Variants in FRMPD2 observed in about 807,000 individuals in gnomAD.
FRMPD2 encodes the protein FERM and PDZ domain containing 2, also known as FERM and PDZ domain-containing protein 2.
A neutral mutation model predicts 140.1 loss-of-function variants in FRMPD2; 96 were observed. That is an observed-to-expected ratio of 0.69 (90% CI 0.58 to 0.81). The LOEUF (loss-of-function observed/expected upper bound fraction) is 0.81, where lower values mean the gene tolerates loss of function less well. Among genes scored for constraint, FRMPD2 ranks in the 40% least tolerant of loss-of-function variants. The pLI is 0.00. For synonymous variants in FRMPD2, 449 were observed against 547.6 expected (o/e 0.82, Z 2.52); for missense variants, 1,240 against 1,447.4 (o/e 0.86, Z 2.32).
At chr10:48,213,393 T>C (rs1158659588) in intron 12 of FRMPD2, among the ~76,000 whole-genome samples, 1 of 152,224 alleles carries the variant, frequency 6.6e-6, no homozygotes, top group East Asian at 1.9e-4. Flanking sequence ...TGCAAAATGG[T>C]ACAGCCATTT....
chr10:48,217,814 C>A (rs1839485988), intron 12 of FRMPD2, among the ~76,000 whole-genome samples: 1 of 152,230 alleles, frequency 6.6e-6, no homozygotes, highest in African/African-American at 2.4e-5. Flanking sequence ...AGGTCACTCA[C>A]AGCCCTCCCT....
chr10:48,240,549 T>C (rs1444271216), intron 5 of FRMPD2, 57 bp from the exon 6 acceptor site: 30 of 1,604,452 alleles, frequency 1.9e-5, no homozygotes, highest in Non-Finnish European at 6.8e-6. Context: ...GGCGTTTTTA[T>C]AGATACATGC....
chr10:48,241,374 T>C (rs1659333683), intron 5 of FRMPD2, among the ~76,000 whole-genome samples: 1 of 152,188 alleles, frequency 6.6e-6, no homozygotes, highest in African/African-American at 2.4e-5. Flanking sequence ...CAAACTTCCT[T>C]ACATTTTGTG....
In FRMPD2 at chr10:48,248,161, G is replaced by A. The variant is rs113677621; in HGVS notation, c.309+860C>T. ...ATCTGCACTTTTCTCATGAAAGGGC[G>A]AGGAAGAAGAAACAGAACTCTCTGC... is the stretch of plus-strand genomic sequence containing the variant. On this transcript the variant is annotated intron_variant, in intron 3 of 28. Transcript: ENST00000374201. Among the ~76,000 whole-genome samples the A allele has an allele frequency of 5.7e-3, 863 of 152,310 alleles. 12 individuals are homozygous for A. Among genetic ancestry groups the A allele is most frequent in the African/African-American group, 0.02 (824 of 41,578 alleles).
rs562368404 is a variant in FRMPD2 at position 48,197,284 on chromosome 10, T to TTAC, written c.1954+3941_1954+3943dup. Among the ~76,000 whole-genome samples the TTAC allele has an allele frequency of 2.6e-4, 39 of 152,218 alleles. No homozygotes were observed. In the South Asian group the frequency reaches 7.9e-3, roughly 31 times the overall value. On this transcript the variant is annotated intron_variant, in intron 15 of 28. Coordinates refer to ENST00000374201, the MANE Select transcript of FRMPD2 (RefSeq NM_001018071.4). ...AAACCCCCGTGAGCAGGAGCCACCATTACTACTCTCACACTGAGCACAGAA... is the reference window on the plus strand; with the variant it reads ...AAACCCCCGTGAGCAGGAGCCACCATTACTACTACTCTCACACTGAGCACAGAA...
chr10:48,246,037 A>G (rs939645141), intron 3 of FRMPD2, among the ~76,000 whole-genome samples: 2 of 152,176 alleles, frequency 1.3e-5, no homozygotes, highest in African/African-American at 2.4e-5. Context: ...TCCTGAAACC[A>G]GCTCCCACCC....
At chr10:48,208,511 C>T (rs1272857223) in intron 13 of FRMPD2, among the ~76,000 whole-genome samples, 2 of 152,166 alleles carry the variant, frequency 1.3e-5, no homozygotes, top group Non-Finnish European at 2.9e-5. Context: ...GTCCAAGTTC[C>T]TGCTTTGGAG....
chr10:48,186,635 G>A (rs1057052914), intron 17 of FRMPD2, among the ~76,000 whole-genome samples: 33 of 152,280 alleles, frequency 2.2e-4, no homozygotes, highest in African/African-American at 7.9e-4. Flanking sequence ...ATGTGGAACT[G>A]TAAGTCCAAT....
At chr10:48,171,268 AG>A (rs1838244834) in intron 25 of FRMPD2, 60 bp from the exon 26 acceptor site, 1 of 673,806 alleles carries the variant, frequency 1.5e-6, no homozygotes, top group Non-Finnish European at 2.7e-6. Context: ...GAAATTGACC[AG>A]TCTCAAAATG....
rs764157505 is a variant in FRMPD2, at chr10:48,240,408, T to A, written c.652A>T (p.Ser218Cys). ...GGGGCCTGTGCCGCTGGGCTCTCGCTGCTTGTCCCACGCAGCCTCTTCCTG... is the reference window on the plus strand; with the variant it reads ...GGGGCCTGTGCCGCTGGGCTCTCGCAGCTTGTCCCACGCAGCCTCTTCCTG... ...LLRKRLRGTS[S>C]ESPAAQAPEC... The change falls in exon 6 of 29, where the codon AGC (serine) becomes TGC (cysteine). Residue 218 changes from serine to cysteine, a missense_variant. Around this residue, in one of 6 missense-constraint regions of FRMPD2, gnomAD observed 1,161 missense variants for 1,055.9 expected, o/e 1.10. Transcript: ENST00000374201. 1 of 1,613,552 alleles carries A rather than the reference T, an allele frequency of 6.2e-7. No individual in the cohort carries two copies. The highest frequency in any genetic ancestry group is 8.5e-7 in the Non-Finnish European group (1 of 1,180,048).
rs959395304 is a variant in FRMPD2, at chr10:48,239,775, C to T, written c.701-83G>A. The T allele has an allele frequency of 3.2e-6, 3 of 937,234 alleles. No individual in the cohort carries two copies. In the Admixed American group the frequency reaches 5.6e-5, roughly 17 times the overall value. 58.1% of individuals were successfully genotyped at this position (937,234 alleles called of 1,614,324 possible). A position where few individuals can be genotyped will look rare whatever the true frequency, so the allele number is the denominator to read the frequency against. ...ATCAGGCATCTCAGAGCATGAATGG[C>T]ATCATGACTTACTAGCTGTGTGACC... On this transcript the variant is annotated intron_variant, in intron 6 of 28. Coordinates refer to ENST00000374201, the MANE Select transcript of FRMPD2 (RefSeq NM_001018071.4).
At chr10:48,161,114 A>G (rs1270447051) in intron 28 of FRMPD2, among the ~76,000 whole-genome samples, 1 of 151,300 alleles carries the variant, frequency 6.6e-6, no homozygotes, top group Admixed American at 6.6e-5. Flanking sequence ...TACTGAGAAC[A>G]GTAAAGCTGC....
At chr10:48,212,150 C>G in intron 12 of FRMPD2, 41 bp from the exon 13 acceptor site, 1 of 1,600,082 alleles carries the variant, frequency 6.2e-7, no homozygotes, top group Non-Finnish European at 8.6e-7. Flanking sequence ...AATCCAGACA[C>G]TGGCCGGGGG....
At chr10:48,171,793 C>G (rs1323863682) in intron 25 of FRMPD2, among the ~76,000 whole-genome samples, 3 of 152,280 alleles carry the variant, frequency 2.0e-5, no homozygotes, top group East Asian at 1.9e-4. Context: ...ACACAACATG[C>G]TCTTGGCATT....
intron 10 of FRMPD2, among the ~76,000 whole-genome samples, chr10:48,224,443 T>C (rs1235656214): frequency 6.6e-6 from 1 of 152,210 alleles, no homozygotes; most frequent in Non-Finnish European, 1.5e-5. Flanking sequence ...CCAATGCCTA[T>C]GCATGCTGGG....
At chr10:48,181,240 C>A (rs1353341879) in intron 20 of FRMPD2, among the ~76,000 whole-genome samples, 1 of 152,250 alleles carries the variant, frequency 6.6e-6, no homozygotes, top group East Asian at 1.9e-4. Context: ...ACTATGAATG[C>A]GTAGGCTCAA....
chr10:48,255,961 G>A (rs1459352294), intron 1 of FRMPD2, among the ~76,000 whole-genome samples: 2 of 152,224 alleles, frequency 1.3e-5, no homozygotes, highest in African/African-American at 4.8e-5. Context: ...AGACCTCTTA[G>A]GCCAAGAAAA....
At chr10:48,183,331 A>G (rs1838596131) in intron 20 of FRMPD2, among the ~76,000 whole-genome samples, 1 of 152,190 alleles carries the variant, frequency 6.6e-6, no homozygotes, top group Non-Finnish European at 1.5e-5. Flanking sequence ...CATTGGTCTC[A>G]GGAAACTAGG....
At chr10:48,199,059 T>C (rs189567587) in intron 15 of FRMPD2, among the ~76,000 whole-genome samples, 2 of 152,256 alleles carry the variant, frequency 1.3e-5, no homozygotes, top group East Asian at 3.9e-4. Context: ...TAGACATAAA[T>C]ATGGGAACAA....
Sources: gnomAD v4.1 joint callset for allele counts (sites outside exome capture counted in the v4.1 genomes callset) on GRCh38, gnomAD v4.1.1 for gene constraint, gnomAD v4.1.1 regional missense constraint, MANE v1.5 for transcripts, NCBI Gene and HGNC (gene_info 2026-07-23, HGNC 2026-07-21) for gene names.